ABCB5: variants seen among roughly 807,000 people sequenced by gnomAD.
The protein encoded by ABCB5 is ATP binding cassette subfamily B member 5.
ABCB5 carries 155 observed loss-of-function variants against 144.2 expected under a neutral mutation model. The ratio of observed to expected loss-of-function variants is 1.08; its 90% CI spans 0.94 to 1.23. The LOEUF is 1.23. Among genes scored for constraint, ABCB5 ranks in the 50% most tolerant of loss-of-function variants. The pLI is 0.00. For synonymous variants in ABCB5, 610 were observed against 528.6 expected (o/e 1.15, Z -2.11); for missense variants, 1,830 against 1,520.8 (o/e 1.20, Z -3.38).
intron 1 of ABCB5, among the ~76,000 whole-genome samples, chr7:20,616,422 T>G (rs1199854708): frequency 6.6e-6 from 1 of 152,252 alleles, no homozygotes; most frequent in East Asian, 1.9e-4. Context: ...TTACCAAGGA[T>G]GCTTGAACGT....
Position 20,632,047 on chromosome 7 carries a change from C to T in ABCB5, c.260-12C>T, listed in dbSNP as rs1439030218. The T allele has an allele frequency of 6.7e-7, 1 of 1,491,410 alleles. No individual in the cohort carries two copies. The allele number at this position is 1,491,410 out of a possible 1,614,324, so 92.4% of individuals were successfully genotyped here. ...TTAATTTCCTCTATATTTTAAATAA[C>T]CTTTTTTACAGCAAATTATCAGAAC... On this transcript the variant is annotated splice_polypyrimidine_tract_variant and intron_variant, in intron 4 of 27. Transcript: ENST00000404938.
chr7:20,704,121 G>A (rs201865686), intron 19 of ABCB5, among the ~76,000 whole-genome samples: 1 of 113,704 alleles, frequency 8.8e-6, no homozygotes, highest in East Asian at 3.1e-4. Flanking sequence ...TGGCATCCGA[G>A]CTGGAGTGCA....
intron 2 of ABCB5, among the ~76,000 whole-genome samples, chr7:20,625,640 A>C (rs1001673970): frequency 6.6e-6 from 1 of 152,222 alleles, no homozygotes; most frequent in Non-Finnish European, 1.5e-5. Flanking sequence ...TACTAAGAAA[A>C]GAAAAAGGAA....
chr7:20,668,611 C>T (rs1285662515), intron 14 of ABCB5, among the ~76,000 whole-genome samples: 3 of 149,544 alleles, frequency 2.0e-5, no homozygotes, highest in Admixed American at 1.3e-4. Context: ...GTCAGCCCCC[C>T]GCCCGGCCAG....
chr7:20,743,178 G>A, intron 25 of ABCB5, 104 bp downstream of exon 25: 1 of 1,249,982 alleles, frequency 8.0e-7, no homozygotes, highest in Non-Finnish European at 1.1e-6. Flanking sequence ...GGCAAACAAT[G>A]CAGAAGTTAA....
At chr7:20,659,953 G>A (rs1784948181) in intron 14 of ABCB5, 1 of 984,484 alleles carries the variant, frequency 1.0e-6, no homozygotes, top group African/African-American at 1.7e-5. Flanking sequence ...CAAAGTGCTG[G>A]GATTACAGGT....
chr7:20,661,074 T>G (rs1784987663), intron 14 of ABCB5, among the ~76,000 whole-genome samples: 1 of 152,234 alleles, frequency 6.6e-6, no homozygotes, highest in Admixed American at 6.5e-5. Flanking sequence ...CACTTCAATC[T>G]GTTCTCAACA....
rs34687757 is a variant in ABCB5, at chr7:20,749,395, A to ATTTTTTT, written c.3430-3948_3430-3942dup. Among the ~76,000 whole-genome samples the ATTTTTTT allele has an allele frequency of 4.4e-4, 36 of 81,932 alleles. 3 individuals are homozygous for ATTTTTTT. Among genetic ancestry groups the ATTTTTTT allele is most frequent in the African/African-American group, 1.7e-3 (30 of 17,590 alleles). 53.8% of individuals were successfully genotyped at this position (81,932 alleles called of 152,430 possible). ...GGTGCCTGCCACCTATGCCTGCCTAATTTTTTTTTTTTTTTTTTTTTTTGC... is the reference window on the plus strand; with the variant it reads ...GGTGCCTGCCACCTATGCCTGCCTAATTTTTTTTTTTTTTTTTTTTTTTTTTTTTTGC... On this transcript the variant is annotated intron_variant, in intron 26 of 27. Transcript: ENST00000404938.
Position 20,628,705 on chromosome 7 carries a change from A to G in ABCB5, c.126A>G (p.Gly42=), listed in dbSNP as rs550760752. ...TTCCTCAGTTCCGCTTTGCTGATGG[A>G]CTGGACATCACACTCATGATCCTGG... ...GSIEIFRFAD[G]LDITLMILGI... Residue 42 remains glycine, a synonymous_variant, in exon 4 of 28, where the codon GGA becomes GGG. Transcript: ENST00000404938. The G allele has an allele frequency of 1.2e-5, 20 of 1,612,940 alleles. No individual in the cohort carries two copies. Among genetic ancestry groups the G allele is most frequent in the Non-Finnish European group, 1.5e-5 (18 of 1,179,522 alleles).
In ABCB5 at chr7:20,739,120, G is replaced by A. The variant is rs1237255492; in HGVS notation, c.3005G>A (p.Ser1002Asn). ...LEKKPNIDSRSQEGKKPDTCE... is the reference protein window; with the variant it reads ...LEKKPNIDSRNQEGKKPDTCE... ...AAGAAACCAAATATAGACAGCCGCA[G>A]TCAAGAAGGGAAAAAGCCAGTAAGC... Residue 1002 changes from serine (S) to asparagine (N), a missense_variant, in exon 24 of 28, where the codon AGT (serine) becomes AAT (asparagine). Coordinates refer to ENST00000404938, the MANE Select transcript of ABCB5 (RefSeq NM_001163941.2). 1.2e-6 allele frequency: 2 copies of A among 1,604,332 alleles called. No homozygotes were observed. The highest frequency in any genetic ancestry group is 8.5e-7 in the Non-Finnish European group (1 of 1,175,532).
rs776430517 is a variant in ABCB5, at chr7:20,651,633, C to G, written c.1536+10C>G. On this transcript the variant is annotated intron_variant, in intron 13 of 27. Transcript: ENST00000404938. The stretch of plus-strand genomic sequence containing the variant: ...CATGGAGTTTCCTAATGTGAGTACA[C>G]TGTGCAGCCTGTGTCCTTAGCTTAT... 1.2e-6 allele frequency: 2 copies of G among 1,613,354 alleles called. No individual in the cohort carries two copies. Among genetic ancestry groups the G allele is most frequent in the South Asian group, 2.2e-5 (2 of 91,036 alleles).
intron 23 of ABCB5, among the ~76,000 whole-genome samples, chr7:20,737,961 G>A (rs1272098048): frequency 6.6e-6 from 1 of 152,062 alleles, no homozygotes; most frequent in East Asian, 1.9e-4. Flanking sequence ...TTTGATCTTT[G>A]TAAAGCCAAC....
chr7:20,626,684 T>C, intron 3 of ABCB5, 73 bp downstream of exon 3: 1 of 1,213,630 alleles, frequency 8.2e-7, no homozygotes, highest in South Asian at 1.8e-5. Flanking sequence ...TAGAAGATTG[T>C]GTTTATTAGA....
intron 1 of ABCB5, among the ~76,000 whole-genome samples, chr7:20,620,908 C>G (rs549747899): frequency 6.6e-6 from 1 of 152,016 alleles, no homozygotes; most frequent in Non-Finnish European, 1.5e-5. Context: ...CCCAAAAGAA[C>G]TGAAACGAGG....
chr7:20,653,768 T>G (rs1339808504), intron 13 of ABCB5, among the ~76,000 whole-genome samples: 2 of 152,184 alleles, frequency 1.3e-5, no homozygotes, highest in African/African-American at 4.8e-5. Flanking sequence ...GGAATCCTTG[T>G]CTGAGGATAA....
chr7:20,747,008 C>T (rs962248425), intron 26 of ABCB5, among the ~76,000 whole-genome samples: 5 of 152,174 alleles, frequency 3.3e-5, no homozygotes, highest in Non-Finnish European at 7.3e-5. Flanking sequence ...CTCACCAGCT[C>T]TTCTCCATAC....
In ABCB5 at chr7:20,727,076, G is replaced by A; in HGVS notation, c.2662G>A (p.Val888Met). The part of the protein sequence containing the change: ...TEALENIRTI[V>M]SLTREKAFEQ... ...AGCTTTGGAGAATATACGTACTATA[G>A]TGTCATTAACAAGGGAAAAAGCCTT... is the stretch of plus-strand genomic sequence containing the variant. Residue 888 changes from valine to methionine, a missense_variant, in exon 22 of 28, where the codon GTG becomes ATG. By Grantham distance (21) the Val-to-Met change is conservative. Coordinates refer to ENST00000404938, the MANE Select transcript of ABCB5 (RefSeq NM_001163941.2). 6.2e-7 allele frequency: 1 copy of A among 1,613,546 alleles called. No individual in the cohort carries two copies. Among genetic ancestry groups the A allele is most frequent in the South Asian group, 1.1e-5 (1 of 91,052 alleles).
At position 20,727,115 on chromosome 7, in the gene ABCB5, G is replaced by A. The variant is rs771565914; in HGVS notation, c.2701G>A (p.Glu901Lys). 6.2e-7 allele frequency: 1 copy of A among 1,613,538 alleles called. No individual in the cohort carries two copies. The highest frequency in any genetic ancestry group is 1.7e-5 in the Admixed American group (1 of 60,006). ...GGAAAAAGCCTTCGAGCAAATGTATGAAGAGATGCTTCAGACTCAACACAG... is the reference window on the plus strand; with the variant it reads ...GGAAAAAGCCTTCGAGCAAATGTATAAAGAGATGCTTCAGACTCAACACAG... Reference protein sequence around the residue: ...TREKAFEQMYEEMLQTQHRNT... With the variant: ...TREKAFEQMYKEMLQTQHRNT... The change falls in exon 22 of 28, where the codon GAA (glutamate) becomes AAA (lysine). Residue 901 changes from glutamate (E) to lysine (K), a missense_variant. Coordinates refer to ENST00000404938, the MANE Select transcript of ABCB5 (RefSeq NM_001163941.2).
chr7:20,740,766 T>C (rs1243506813), intron 24 of ABCB5, among the ~76,000 whole-genome samples: 1 of 152,164 alleles, frequency 6.6e-6, no homozygotes, highest in Non-Finnish European at 1.5e-5. Flanking sequence ...TAATCCTTAT[T>C]TTATTTAGTA....
Sources: gnomAD v4.1 joint callset for allele counts (sites outside exome capture counted in the v4.1 genomes callset) on GRCh38, gnomAD v4.1.1 for gene constraint, MANE v1.5 for transcripts, NCBI Gene and HGNC (gene_info 2026-07-23, HGNC 2026-07-21) for gene names.